LYPLAL1: variants seen among roughly 807,000 people sequenced by gnomAD.
The protein encoded by LYPLAL1 is lysophospholipase-like protein 1.
In LYPLAL1, 23 loss-of-function variants were observed where a neutral mutation model predicts 19.7. The observed-to-expected ratio is 1.17, with a 90% CI of 0.84 to 1.65. The LOEUF is 1.65. Ranked by LOEUF, LYPLAL1 falls within the 40% of genes most tolerant of loss-of-function variation. The pLI is 0.00. For synonymous variants in LYPLAL1, 119 were observed against 96.3 expected, an observed-to-expected ratio of 1.24 and a Z score of -1.38; for missense variants, 355 against 279.4, an observed-to-expected ratio of 1.27 and a Z score of -1.93.
the LYPLAL1 span, among the ~76,000 whole-genome samples, chr1:219,332,936 A>G: frequency 6.6e-6 from 1 of 150,754 alleles, no homozygotes; most frequent in Admixed American, 6.7e-5. Flanking sequence ...CCTTGTGAGT[A>G]TAGAAACTAG....
chr1:219,365,430 A>G, the LYPLAL1 span, among the ~76,000 whole-genome samples: 1 of 152,202 alleles, frequency 6.6e-6, no homozygotes, highest in Non-Finnish European at 1.5e-5. Flanking sequence ...TTTCTGGTAG[A>G]AATGTTAGTA....
At chr1:219,426,791 T>A in the LYPLAL1 span, among the ~76,000 whole-genome samples, 1 of 151,988 alleles carries the variant, frequency 6.6e-6, no homozygotes, top group Non-Finnish European at 1.5e-5. Context: ...TAGAGACGGG[T>A]TTTTGCCATG....
In LYPLAL1 at chr1:219,199,442, C is replaced by CT. The variant is rs796698708; in HGVS notation, c.361+6204dup. Among the ~76,000 whole-genome samples the CT allele has an allele frequency of 8.8e-3, 1,268 of 143,890 alleles. 20 individuals carry two copies. The highest frequency in any genetic ancestry group is 0.024 in the African/African-American group (966 of 39,468). The allele number at this position is 143,890 out of a possible 152,430, so 94.4% of individuals were successfully genotyped here. Reference sequence around the variant, plus strand: ...TCTCTTAAAGCTGGTTAATACTGATCTTTTTTTTTTTTTGGAGACAGAGTC... The same window carrying CT: ...TCTCTTAAAGCTGGTTAATACTGATCTTTTTTTTTTTTTTGGAGACAGAGTC... On this transcript the variant is annotated intron_variant, in intron 3 of 4. Coordinates refer to ENST00000366928, the MANE Select transcript of LYPLAL1 (RefSeq NM_138794.5).
At chr1:219,178,601 G>T (rs1408663475) in intron 1 of LYPLAL1, among the ~76,000 whole-genome samples, 5 of 152,012 alleles carry the variant, frequency 3.3e-5, no homozygotes, top group African/African-American at 1.2e-4. Flanking sequence ...CTTTGGAGTA[G>T]ATAATTCTTC....
intron 3 of LYPLAL1, among the ~76,000 whole-genome samples, chr1:219,193,757 G>C (rs371149427): frequency 4.6e-5 from 7 of 151,732 alleles, no homozygotes; most frequent in African/African-American, 1.7e-4. Flanking sequence ...TCTTTATTCT[G>C]CTTAATACCT....
chr1:219,309,302 C>A, the LYPLAL1 span, among the ~76,000 whole-genome samples: 1 of 152,222 alleles, frequency 6.6e-6, no homozygotes, highest in African/African-American at 2.4e-5. Context: ...TTCCATTTTA[C>A]AGGCTAGTAG....
At chr1:219,327,458 A>T in the LYPLAL1 span, among the ~76,000 whole-genome samples, 42 of 152,198 alleles carry the variant, frequency 2.8e-4, no homozygotes, top group Middle Eastern at 6.8e-3. Context: ...AAGATGGGGG[A>T]GCAGCTCAGA....
the LYPLAL1 span, among the ~76,000 whole-genome samples, chr1:219,261,417 G>A: frequency 1.3e-5 from 2 of 152,248 alleles, no homozygotes; most frequent in African/African-American, 4.8e-5. Context: ...GAATATTATA[G>A]TCAGTTGTCT....
At chr1:219,382,271 G>A in the LYPLAL1 span, among the ~76,000 whole-genome samples, 4 of 152,184 alleles carry the variant, frequency 2.6e-5, no homozygotes, top group Non-Finnish European at 4.4e-5. Flanking sequence ...CTCAATCTGT[G>A]GCCACTCTTC....
chr1:219,175,854 T>C (rs1043537530), intron 1 of LYPLAL1, among the ~76,000 whole-genome samples: 4 of 152,248 alleles, frequency 2.6e-5, no homozygotes, highest in African/African-American at 9.6e-5. Flanking sequence ...TGGTTTCTGC[T>C]TAACTAGAAT....
At chr1:219,264,452 A>G in the LYPLAL1 span, among the ~76,000 whole-genome samples, 3 of 152,248 alleles carry the variant, frequency 2.0e-5, no homozygotes, top group Non-Finnish European at 4.4e-5. Context: ...CCAAACATGA[A>G]GAATGTTTAC....
chr1:219,181,931 C>T (rs1443488233), intron 2 of LYPLAL1, among the ~76,000 whole-genome samples: 2 of 151,988 alleles, frequency 1.3e-5, no homozygotes, highest in East Asian at 1.9e-4. Flanking sequence ...AAATATCTTG[C>T]AGTATTTGCT....
the LYPLAL1 span, among the ~76,000 whole-genome samples, chr1:219,369,336 A>T: frequency 6.6e-6 from 1 of 152,234 alleles, no homozygotes; most frequent in Admixed American, 6.5e-5. Context: ...CAGTGGCATG[A>T]TCTTGGCTCA....
the LYPLAL1 span, among the ~76,000 whole-genome samples, chr1:219,361,716 G>A: frequency 2.6e-5 from 4 of 152,074 alleles, no homozygotes; most frequent in South Asian, 4.1e-4. Flanking sequence ...AGTAACACAC[G>A]ATGACCTCCA....
chr1:219,179,282 CTG>C (rs1251714718), intron 2 of LYPLAL1, 36 bp downstream of exon 2: 13 of 1,432,566 alleles, frequency 9.1e-6, no homozygotes, highest in Non-Finnish European at 1.2e-5. Flanking sequence ...CAATATAACT[CTG>C]TGGCATAAAA....
the LYPLAL1 span, among the ~76,000 whole-genome samples, chr1:219,418,212 G>A: frequency 2.0e-5 from 3 of 152,198 alleles, no homozygotes; most frequent in Admixed American, 6.5e-5. Flanking sequence ...TTGTAAATTC[G>A]TTTCAGCCAA....
rs1655574092 is a variant in LYPLAL1, at chr1:219,173,904, CG to C, written c.18del (p.Ser7ArgfsTer18). 6.2e-7 allele frequency: 1 copy of C among 1,613,164 alleles called. No homozygotes were observed. On this transcript the variant is annotated frameshift_variant, in exon 1 of 5. Coordinates refer to ENST00000366928, the MANE Select transcript of LYPLAL1 (RefSeq NM_138794.5). LOFTEE classifies it high-confidence loss of function. ...GTGGCATCAGCGATGGCGGCTGCGT[CG>C]GGGTCGGTTCTGCAGCGCTGTATCG... MAAA[S>X]GSVLQRCIVS...
chr1:219,352,101 A>G, the LYPLAL1 span, among the ~76,000 whole-genome samples: 1 of 152,236 alleles, frequency 6.6e-6, no homozygotes, highest in Admixed American at 6.5e-5. Flanking sequence ...AGCATGATTA[A>G]GGAAAGAGCT....
chr1:219,419,594 C>CACACACACACACAGAGAGAG, the LYPLAL1 span, among the ~76,000 whole-genome samples: 839 of 99,524 alleles, frequency 8.4e-3, 14 homozygotes, highest in Middle Eastern at 0.016. Context: ...CACACACACA[C>CACACACACACACAGAGAGAG]AGAGAGAGAG....
Sources: gnomAD v4.1 joint callset for allele counts (sites outside exome capture counted in the v4.1 genomes callset) on GRCh38, gnomAD v4.1.1 for gene constraint, MANE v1.5 for transcripts, NCBI Gene and HGNC (gene_info 2026-07-23, HGNC 2026-07-21) for gene names.